The following ALOX12B variants were observed in gnomAD, a reference collection of about 807,000 sequenced individuals.
ALOX12B encodes arachidonate 12-lipoxygenase, 12R type.
A neutral mutation model predicts 78.9 loss-of-function variants in ALOX12B; 47 were observed. The ratio of observed to expected loss-of-function variants is 0.60; its 90% CI spans 0.47 to 0.76. ALOX12B has a LOEUF of 0.76. ALOX12B is among the 30% of genes least tolerant of loss of function. ALOX12B has a pLI of 0.00. For missense variants in ALOX12B, 805 were observed against 922.6 expected, an observed-to-expected ratio of 0.87 and a Z score of 1.65; for synonymous variants, 370 against 374.5, an observed-to-expected ratio of 0.99 and a Z score of 0.14.
rs965808513 is a variant in ALOX12B at position 8,073,130 on chromosome 17, C to A, written c.1926+18G>T. Reference sequence around the variant, plus strand: ...TGGTCCCCTCCCTGTGCTCAGAGTCCCCCATCCCGTCTCGCACCCTGTCGT... The same window carrying A: ...TGGTCCCCTCCCTGTGCTCAGAGTCACCCATCCCGTCTCGCACCCTGTCGT... On this transcript the variant is annotated intron_variant, in intron 14 of 14. Coordinates refer to ENST00000647874, the MANE Select transcript of ALOX12B (RefSeq NM_001139.3). The A allele has an allele frequency of 4.3e-6, 7 of 1,613,870 alleles. No individual in the cohort carries two copies. The African/African-American group carries it at 8.0e-5, about 18-fold the overall frequency.
At chr17:8,086,303 G>A (rs969650110) in intron 1 of ALOX12B, 83 bp from the exon 2 acceptor site, 2 of 1,393,776 alleles carry the variant, frequency 1.4e-6, no homozygotes, top group Non-Finnish European at 2.0e-6. Flanking sequence ...CCTCACCTAG[G>A]CCCTGCTCAT....
At chr17:8,074,116 C>A (rs144343389) in intron 12 of ALOX12B, among the ~76,000 whole-genome samples, 207 of 152,220 alleles carry the variant, frequency 1.4e-3, no homozygotes, top group African/African-American at 4.7e-3. Context: ...AAGAGTCCTG[C>A]CCCGACTCAA....
At chr17:8,082,322 A>G (rs1169181698) in intron 2 of ALOX12B, among the ~76,000 whole-genome samples, 1 of 152,180 alleles carries the variant, frequency 6.6e-6, no homozygotes, top group Non-Finnish European at 1.5e-5. Flanking sequence ...GGGTGCCTGT[A>G]TAAACTGGCC....
Position 8,087,649 on chromosome 17 carries a change from G to C in ALOX12B, c.-207C>G. ...CTGCTGCCCTTGGTGGCCGGGGTGG[G>C]TGCCGGGCAGGCCCAGGCGGAGCCC... On this transcript the variant is annotated 5_prime_UTR_variant, in exon 1 of 15. Transcript: ENST00000647874. The C allele has an allele frequency of 1.2e-6, 1 of 806,702 alleles. No homozygotes were observed. Among genetic ancestry groups the C allele is most frequent in the South Asian group, 1.7e-5 (1 of 59,532 alleles). The allele number at this position is 806,702 out of a possible 1,614,324, so 50.0% of individuals were successfully genotyped here.
At position 8,080,577 on chromosome 17, in the gene ALOX12B, T is replaced by G. The variant is rs1977193886; in HGVS notation, c.650+81A>C. 3 of 1,603,200 alleles carry G rather than the reference T, an allele frequency of 1.9e-6. No individual in the cohort carries two copies. The highest frequency in any genetic ancestry group is 2.7e-5 in the African/African-American group (2 of 74,760). On this transcript the variant is annotated intron_variant, in intron 5 of 14. Coordinates refer to ENST00000647874, the MANE Select transcript of ALOX12B (RefSeq NM_001139.3). This position sits in a 1 kb window ranked among gnomAD's most constrained non-coding sequence, Gnocchi z 4.8. ...TCCTGGCCATTCCAACCTCTGGGGC[T>G]GTCTTGGAGGCCGCCAAGGTTGGGG... is the stretch of plus-strand genomic sequence containing the variant.
chr17:8,073,339 C>T lies in ALOX12B; in HGVS notation c.1756-21G>A, dbSNP rs958594060. 4.3e-6 allele frequency: 7 copies of T among 1,613,940 alleles called. No individual in the cohort carries two copies. The South Asian group carries it at 7.7e-5, about 18-fold the overall frequency. On this transcript the variant is annotated intron_variant, in intron 13 of 14. Transcript: ENST00000647874. ...TCCATCTGGAGGTGGGATAGAGGCG[C>T]GGGTCTGGGTGGAAGAGTACCTCAG...
In ALOX12B at chr17:8,076,933, C is replaced by T. The variant is rs1567981788; in HGVS notation, c.1275+57G>A. 9.6e-6 allele frequency: 15 copies of T among 1,561,596 alleles called. No homozygotes were observed. The East Asian group carries it at 1.2e-4, about 13-fold the overall frequency. On this transcript the variant is annotated intron_variant, in intron 9 of 14. Coordinates refer to ENST00000647874, the MANE Select transcript of ALOX12B (RefSeq NM_001139.3). Reference sequence around the variant, plus strand: ...ACTGCTCAGTGGGCCTGGGGGTTTTCGGAGGCCAGGTGAGGGCCATGATGC... The same window carrying T: ...ACTGCTCAGTGGGCCTGGGGGTTTTTGGAGGCCAGGTGAGGGCCATGATGC...
rs751949471 is a variant in ALOX12B at position 8,080,397 on chromosome 17, C to A, written c.651-59G>T. On this transcript the variant is annotated intron_variant, in intron 5 of 14. Transcript: ENST00000647874. The surrounding 1 kb of genome is among the most constrained non-coding windows in gnomAD (Gnocchi z 4.8). ...AGGGGCTGCCAAGCGCCGGCTGGGG[C>A]AGGTGGCGGGGCCGCCCCATCCACT... is the stretch of plus-strand genomic sequence containing the variant. The A allele has an allele frequency of 1.9e-6, 3 of 1,592,506 alleles. No homozygotes were observed. The highest frequency in any genetic ancestry group is 2.6e-6 in the Non-Finnish European group (3 of 1,160,722).
chr17:8,078,118 TA>T (rs1977126088), intron 8 of ALOX12B, among the ~76,000 whole-genome samples: 4 of 70,264 alleles, frequency 5.7e-5, no homozygotes, highest in East Asian at 6.2e-4. Context: ...TATTTCATTT[TA>T]TTTATTTATT....
In ALOX12B at chr17:8,079,267, A is replaced by C. The variant is rs914275910; in HGVS notation, c.1071+129T>G. ...GGCATCCCGGGGAGGTCCTGGAACCAATCTCTCAAGGATAACGAGAGACGG... is the reference window on the plus strand; with the variant it reads ...GGCATCCCGGGGAGGTCCTGGAACCCATCTCTCAAGGATAACGAGAGACGG... On this transcript the variant is annotated intron_variant, in intron 8 of 14. Coordinates refer to ENST00000647874, the MANE Select transcript of ALOX12B (RefSeq NM_001139.3). The surrounding 1 kb of genome is among the most constrained non-coding windows in gnomAD (Gnocchi z 6.4). 44 of 1,367,476 alleles carry C rather than the reference A, an allele frequency of 3.2e-5. No homozygotes were observed. The highest frequency in any genetic ancestry group is 3.9e-5 in the Non-Finnish European group (40 of 1,023,058). The allele number at this position is 1,367,476 out of a possible 1,614,324, so 84.7% of individuals were successfully genotyped here.
At position 8,079,285 on chromosome 17, in the gene ALOX12B, A is replaced by G; in HGVS notation, c.1071+111T>C. Reference sequence around the variant, plus strand: ...TGGAACCAATCTCTCAAGGATAACGAGAGACGGCTGAATACATGCAGGTCC... The same window carrying G: ...TGGAACCAATCTCTCAAGGATAACGGGAGACGGCTGAATACATGCAGGTCC... On this transcript the variant is annotated intron_variant, in intron 8 of 14. Transcript: ENST00000647874. This position sits in a 1 kb window ranked among gnomAD's most constrained non-coding sequence, Gnocchi z 6.4. 1.4e-6 allele frequency: 2 copies of G among 1,456,886 alleles called. No homozygotes were observed. Among genetic ancestry groups the G allele is most frequent in the Admixed American group, 4.4e-5 (2 of 45,276 alleles). 90.2% of individuals were successfully genotyped at this position (1,456,886 alleles called of 1,614,324 possible).
Position 8,079,259 on chromosome 17 carries a change from C to G in ALOX12B, c.1071+137G>C. On this transcript the variant is annotated intron_variant, in intron 8 of 14. Coordinates refer to ENST00000647874, the MANE Select transcript of ALOX12B (RefSeq NM_001139.3). This position sits in a 1 kb window ranked among gnomAD's most constrained non-coding sequence, Gnocchi z 6.4. ...CAGATTTTGGCATCCCGGGGAGGTC[C>G]TGGAACCAATCTCTCAAGGATAACG... 7.4e-7 allele frequency: 1 copy of G among 1,348,418 alleles called. No homozygotes were observed. Among genetic ancestry groups the G allele is most frequent in the Non-Finnish European group, 9.9e-7 (1 of 1,009,448 alleles). The allele number at this position is 1,348,418 out of a possible 1,614,324, so 83.5% of individuals were successfully genotyped here.
chr17:8,079,927 G>T lies in ALOX12B; in HGVS notation c.769C>A (p.His257Asn), dbSNP rs1233776328. 6.2e-7 allele frequency: 1 copy of T among 1,612,374 alleles called. No individual in the cohort carries two copies. Among genetic ancestry groups the T allele is most frequent in the Non-Finnish European group, 8.5e-7 (1 of 1,179,452 alleles). ...CCAAAGAAGGTGTCCTCTGCCCAGT[G>T]CTCGGCCACGTACTCTGCGAGGACG... Reference protein sequence around the residue: ...KSVVSEYVAEHWAEDTFFGYQ... With the variant: ...KSVVSEYVAENWAEDTFFGYQ... Residue 257 changes from histidine to asparagine, a missense_variant, in exon 7 of 15, where the codon CAC (histidine) becomes AAC (asparagine). Coordinates refer to ENST00000647874, the MANE Select transcript of ALOX12B (RefSeq NM_001139.3). The surrounding 1 kb of genome is among the most constrained non-coding windows in gnomAD (Gnocchi z 6.4).
At chr17:8,075,762 C>T in intron 11 of ALOX12B, 46 bp from the exon 12 acceptor site, 1 of 1,614,046 alleles carries the variant, frequency 6.2e-7, no homozygotes, top group Non-Finnish European at 8.5e-7. Flanking sequence ...TCCCCTCCCA[C>T]TCCTCAGCCA....
In ALOX12B at chr17:8,080,677, A is replaced by G. The variant is rs1388130253; in HGVS notation, c.631T>C (p.Phe211Leu). Reference sequence around the variant, plus strand: ...ACTCACATGGGCCCCAGGCGGACGAAGAAGGAGGCCGTCTTGAGGAAGGAG... The same window carrying G: ...ACTCACATGGGCCCCAGGCGGACGAGGAAGGAGGCCGTCTTGAGGAAGGAG... ...RYSFLKTASF[F>L]VRLGPMALAF... Residue 211 changes from phenylalanine to leucine, a missense_variant, in exon 5 of 15, where the codon TTC becomes CTC. By Grantham distance (22) the Phe-to-Leu change is conservative. Transcript: ENST00000647874. The surrounding 1 kb of genome is among the most constrained non-coding windows in gnomAD (Gnocchi z 4.8). 6.2e-7 allele frequency: 1 copy of G among 1,614,154 alleles called. No individual in the cohort carries two copies. Among genetic ancestry groups the G allele is most frequent in the Admixed American group, 1.7e-5 (1 of 60,022 alleles).
At position 8,087,300 on chromosome 17, in the gene ALOX12B, C is replaced by G; in HGVS notation, c.143G>C (p.Gly48Ala). The change falls in exon 1 of 15, where the codon GGG becomes GCG. Residue 48 changes from glycine to alanine, a missense_variant. Gly to Ala is a moderately conservative substitution (Grantham distance 60). Coordinates refer to ENST00000647874, the MANE Select transcript of ALOX12B (RefSeq NM_001139.3). Reference protein sequence around the residue: ...LNHFGRDFATGAVGQYTVQCP... With the variant: ...LNHFGRDFATAAVGQYTVQCP... ...CACACACACACACACTCTTACCGCC[C>G]CAGTTGCAAAGTCTCTCCCAAAGTG... is the stretch of plus-strand genomic sequence containing the variant. The G allele has an allele frequency of 6.2e-7, 1 of 1,608,092 alleles. No individual in the cohort carries two copies. Among genetic ancestry groups the G allele is most frequent in the Non-Finnish European group, 8.5e-7 (1 of 1,177,974 alleles).
rs555121959 is a variant in ALOX12B, at chr17:8,080,875, G to A, written c.527+9C>T. On this transcript the variant is annotated intron_variant, in intron 4 of 14. Transcript: ENST00000647874. This position sits in a 1 kb window ranked among gnomAD's most constrained non-coding sequence, Gnocchi z 4.8. ...ATGGGCGGGGCCCAGCACAGCTTCG[G>A]GTCCTTACTCAGGCCGGTTGGGGTT... 3 of 1,613,932 alleles carry A rather than the reference G, an allele frequency of 1.9e-6. No individual in the cohort carries two copies. The East Asian group carries it at 6.7e-5, about 36-fold the overall frequency.
intron 3 of ALOX12B, 22 bp downstream of exon 3, chr17:8,081,084 A>G: frequency 6.2e-7 from 1 of 1,612,928 alleles, no homozygotes; most frequent in South Asian, 1.1e-5. Flanking sequence ...GGGCGCCCAG[A>G]CTCTGCCACC....
In ALOX12B at chr17:8,080,664, C is replaced by G; in HGVS notation, c.644G>C (p.Gly215Ala). 6.2e-7 allele frequency: 1 copy of G among 1,614,084 alleles called. No homozygotes were observed. Among genetic ancestry groups the G allele is most frequent in the Non-Finnish European group, 8.5e-7 (1 of 1,180,004 alleles). ...LKTASFFVRLGPMALAFKVRG... is the reference protein window; with the variant it reads ...LKTASFFVRLAPMALAFKVRG... Reference sequence around the variant, plus strand: ...GTCACTCACACGGACTCACATGGGCCCCAGGCGGACGAAGAAGGAGGCCGT... The same window carrying G: ...GTCACTCACACGGACTCACATGGGCGCCAGGCGGACGAAGAAGGAGGCCGT... Residue 215 changes from glycine (G) to alanine (A), a missense_variant, in exon 5 of 15, where the codon GGG becomes GCG. Transcript: ENST00000647874. The surrounding 1 kb of genome is among the most constrained non-coding windows in gnomAD (Gnocchi z 4.8).
Sources: allele counts gnomAD v4.1 joint callset (sites outside exome capture counted in the v4.1 genomes callset), GRCh38; gene constraint gnomAD v4.1.1; non-coding constraint Gnocchi (gnomAD v3.1); transcripts MANE v1.5; gene names NCBI Gene and HGNC (gene_info 2026-07-23, HGNC 2026-07-21).